ROR1: variants seen among roughly 807,000 people sequenced by gnomAD.
ROR1 encodes ROR family WNT receptor 1.
In ROR1, 19 loss-of-function variants were observed where a neutral mutation model predicts 78.8. That is an observed-to-expected ratio of 0.24 (90% CI 0.17 to 0.35). The LOEUF (loss-of-function observed/expected upper bound fraction) is 0.35. Among genes scored for constraint, ROR1 ranks in the 10% least tolerant of loss-of-function variants. ROR1 has a pLI of 1.00. For synonymous variants in ROR1, 386 were observed against 433.6 expected (o/e 0.89, Z 1.36); for missense variants, 917 against 1,177.8 (o/e 0.78, Z 3.24).
chr1:64,090,027 C>G (rs1647183071), intron 4 of ROR1, among the ~76,000 whole-genome samples: 1 of 152,136 alleles, frequency 6.6e-6, no homozygotes, highest in Non-Finnish European at 1.5e-5. Flanking sequence ...TAAGATGTGC[C>G]TTTCATCTTC....
At chr1:64,140,501 G>T in intron 6 of ROR1, 75 bp downstream of exon 6, 1 of 1,357,086 alleles carries the variant, frequency 7.4e-7, no homozygotes, top group South Asian at 1.3e-5. Context: ...ACTGGACCTT[G>T]ACCCATAGTG....
At chr1:64,154,274 A>G (rs1187730605) in intron 7 of ROR1, among the ~76,000 whole-genome samples, 1 of 152,270 alleles carries the variant, frequency 6.6e-6, no homozygotes, top group African/African-American at 2.4e-5. Context: ...TTCCAGGCAT[A>G]TGCCTAAATC....
At chr1:63,995,265 G>T (rs1045212850) in intron 1 of ROR1, among the ~76,000 whole-genome samples, 3 of 151,998 alleles carry the variant, frequency 2.0e-5, no homozygotes, top group African/African-American at 7.3e-5. Flanking sequence ...CTGGATTAGG[G>T]AATGACAAAC....
intron 8 of ROR1, among the ~76,000 whole-genome samples, chr1:64,172,163 G>A (rs1033013223): frequency 1.3e-5 from 2 of 152,146 alleles, no homozygotes; most frequent in African/African-American, 4.8e-5. Context: ...CCACTTAGCA[G>A]TCATGACTAA....
At chr1:63,924,861 C>A (rs973039935) in intron 1 of ROR1, among the ~76,000 whole-genome samples, 2 of 151,346 alleles carry the variant, frequency 1.3e-5, no homozygotes, top group African/African-American at 4.9e-5. Flanking sequence ...AATGCCTGAC[C>A]CTGTCCACAT....
intron 4 of ROR1, among the ~76,000 whole-genome samples, chr1:64,078,987 G>A (rs1647075779): frequency 6.6e-6 from 1 of 152,176 alleles, no homozygotes; most frequent in Admixed American, 6.5e-5. Flanking sequence ...AGAGAAAGGT[G>A]ATGGATGGCA....
intron 4 of ROR1, among the ~76,000 whole-genome samples, chr1:64,078,493 G>T (rs937111119): frequency 6.6e-6 from 1 of 152,114 alleles, no homozygotes. Context: ...AAGGAGACTC[G>T]GTAGGATAGT....
chr1:64,166,678 G>A (rs1404993811), intron 8 of ROR1, among the ~76,000 whole-genome samples: 1 of 152,138 alleles, frequency 6.6e-6, no homozygotes, highest in African/African-American at 2.4e-5. Context: ...ACTGGGGTGA[G>A]GACACAGGCA....
intron 2 of ROR1, among the ~76,000 whole-genome samples, chr1:64,023,398 G>A (rs1407792900): frequency 1.3e-5 from 2 of 152,110 alleles, no homozygotes; most frequent in African/African-American, 2.4e-5. Context: ...TCTTTCCCAG[G>A]GCCAGTTGAG....
At chr1:63,789,964 T>G (rs967574989) in intron 1 of ROR1, among the ~76,000 whole-genome samples, 1 of 152,114 alleles carries the variant, frequency 6.6e-6, no homozygotes, top group Non-Finnish European at 1.5e-5. Flanking sequence ...ATGCACATAT[T>G]GGCTTTTCAT....
intron 4 of ROR1, among the ~76,000 whole-genome samples, chr1:64,132,760 CAAAAAAAA>C (rs749607703): frequency 1.4e-5 from 1 of 70,452 alleles, no homozygotes; most frequent in African/African-American, 5.4e-5. Context: ...GACTCCATCT[CAAAAAAAA>C]AAAAAAAAAA....
chr1:63,983,161 C>T (rs1646223648), intron 1 of ROR1, among the ~76,000 whole-genome samples: 2 of 152,310 alleles, frequency 1.3e-5, no homozygotes, highest in Admixed American at 1.3e-4. Flanking sequence ...TATACATTAT[C>T]TCTTTAATCA....
At chr1:64,019,550 G>A (rs1177932506) in intron 2 of ROR1, among the ~76,000 whole-genome samples, 22 of 152,208 alleles carry the variant, frequency 1.4e-4, no homozygotes, top group Non-Finnish European at 4.4e-5. Flanking sequence ...ATATCTGAAT[G>A]TGTTGGCATA....
At chr1:63,964,095 C>G (rs745640990) in intron 1 of ROR1, among the ~76,000 whole-genome samples, 1 of 152,194 alleles carries the variant, frequency 6.6e-6, no homozygotes, top group Non-Finnish European at 1.5e-5. Flanking sequence ...ACTTTAACAG[C>G]TACTCTGTAA....
chr1:64,136,409 G>A (rs1237284319), intron 4 of ROR1, among the ~76,000 whole-genome samples: 1 of 149,756 alleles, frequency 6.7e-6, no homozygotes, highest in Non-Finnish European at 1.5e-5. Context: ...CAGGGTTGAA[G>A]TCAACTTATA....
intron 2 of ROR1, among the ~76,000 whole-genome samples, chr1:64,027,831 G>A (rs533536122): frequency 2.0e-5 from 3 of 152,080 alleles, no homozygotes; most frequent in Admixed American, 6.5e-5. Context: ...GGGATTACAG[G>A]CACCTGCCAC....
At chr1:64,001,062 T>G (rs1225480919) in intron 1 of ROR1, among the ~76,000 whole-genome samples, 1 of 152,246 alleles carries the variant, frequency 6.6e-6, no homozygotes, top group Non-Finnish European at 1.5e-5. Context: ...ACAGCTTTAT[T>G]TGTAACAGCC....
At chr1:64,033,378 T>C (rs1646676595) in intron 2 of ROR1, among the ~76,000 whole-genome samples, 1 of 152,188 alleles carries the variant, frequency 6.6e-6, no homozygotes, top group South Asian at 2.1e-4. Flanking sequence ...ATGAGTAAAC[T>C]GAGGCTCAGA....
chr1:64,038,172 C>G (rs1453152881), intron 2 of ROR1, among the ~76,000 whole-genome samples: 1 of 152,168 alleles, frequency 6.6e-6, no homozygotes, highest in East Asian at 1.9e-4. Context: ...TCTGTTTCCC[C>G]TCTCCTGTCT....
Sources: allele counts gnomAD v4.1 joint callset (sites outside exome capture counted in the v4.1 genomes callset), GRCh38; gene constraint gnomAD v4.1.1; transcripts MANE v1.5; gene names NCBI Gene and HGNC (gene_info 2026-07-23, HGNC 2026-07-21).